The following L3MBTL4 variants were observed in gnomAD, a reference collection of about 807,000 sequenced individuals.
L3MBTL4 encodes the protein L3MBTL histone methyl-lysine binding protein 4.
In L3MBTL4, 70 loss-of-function variants were observed where a neutral mutation model predicts 84.5. The ratio of observed to expected loss-of-function variants is 0.83; its 90% CI spans 0.68 to 1.01. L3MBTL4 has a LOEUF of 1.01. Ranked by LOEUF, L3MBTL4 falls within the 50% of genes least tolerant of loss-of-function variation. The probability of loss-of-function intolerance (pLI) is 0.00; values close to 1 mark genes in which losing one functional copy is unlikely to be tolerated. For missense variants in L3MBTL4, 715 were observed against 754.8 expected (o/e 0.95, Z 0.62); for synonymous variants, 274 against 259.8 (o/e 1.05, Z -0.52).
chr18:5,976,213 C>T (rs1030941896), intron 16 of L3MBTL4, among the ~76,000 whole-genome samples: 3 of 152,180 alleles, frequency 2.0e-5, no homozygotes, highest in East Asian at 1.9e-4. Context: ...GTAGAAAAAG[C>T]AGAATGTAAA....
intron 1 of L3MBTL4, chr18:6,396,728 T>C (rs2055288661): frequency 6.6e-6 from 1 of 152,246 alleles, no homozygotes; most frequent in African/African-American, 2.4e-5. Context: ...AATATTGCCA[T>C]CCATAAAAGT....
chr18:6,209,162 T>C (rs1279361472), intron 12 of L3MBTL4, among the ~76,000 whole-genome samples: 1 of 152,116 alleles, frequency 6.6e-6, no homozygotes, highest in African/African-American at 2.4e-5. Context: ...AAGTTCTCCA[T>C]CCCAACTGCA....
At chr18:6,080,839 C>T (rs2058051351) in intron 16 of L3MBTL4, 42 bp downstream of exon 16, 2 of 1,404,424 alleles carry the variant, frequency 1.4e-6, no homozygotes, top group East Asian at 2.3e-5. Context: ...TTCTGCACAA[C>T]AAAAAGTATA....
At chr18:6,265,443 A>G (rs1037013361) in intron 4 of L3MBTL4, among the ~76,000 whole-genome samples, 11 of 152,368 alleles carry the variant, frequency 7.2e-5, no homozygotes, top group Admixed American at 7.2e-4. Context: ...GATGGTAAAA[A>G]TGTACATCAC....
At chr18:6,296,887 G>GA (rs2050129643) in intron 4 of L3MBTL4, among the ~76,000 whole-genome samples, 3 of 152,152 alleles carry the variant, frequency 2.0e-5, no homozygotes, top group Non-Finnish European at 4.4e-5. Flanking sequence ...TAAATGGGAG[G>GA]GAGGAGTAAG....
intron 16 of L3MBTL4, among the ~76,000 whole-genome samples, chr18:6,011,872 T>G (rs1274270932): frequency 6.6e-6 from 1 of 152,204 alleles, no homozygotes; most frequent in Admixed American, 6.5e-5. Context: ...TGAAGTTGAA[T>G]TGTTAAAGGG....
At position 6,237,947 on chromosome 18, in the gene L3MBTL4, C is replaced by T. The variant is rs1179729514; in HGVS notation, c.784+17G>A. ...ACACAGAGATGACTTCAAAGAAAAC[C>T]CAGGCAGTCCACTCACCTTGGGGTG... is the stretch of plus-strand genomic sequence containing the variant. On this transcript the variant is annotated intron_variant, in intron 10 of 18. Transcript: ENST00000317931. 1 of 1,609,876 alleles carries T rather than the reference C, an allele frequency of 6.2e-7. No homozygotes were observed. Among genetic ancestry groups the T allele is most frequent in the African/African-American group, 1.3e-5 (1 of 74,904 alleles).
chr18:6,351,259 G>A (rs1301314676), intron 1 of L3MBTL4, among the ~76,000 whole-genome samples: 2 of 152,078 alleles, frequency 1.3e-5, no homozygotes. Flanking sequence ...AAATAAGCCA[G>A]ATACTAAAGA....
chr18:6,386,826 C>A (rs1416001644), intron 1 of L3MBTL4, among the ~76,000 whole-genome samples: 3 of 152,084 alleles, frequency 2.0e-5, no homozygotes, highest in Non-Finnish European at 4.4e-5. Flanking sequence ...CCCTGCAGAT[C>A]CTGGAACAGA....
intron 4 of L3MBTL4, among the ~76,000 whole-genome samples, chr18:6,274,162 C>G (rs1005908065): frequency 6.6e-6 from 1 of 152,190 alleles, no homozygotes; most frequent in Non-Finnish European, 1.5e-5. Flanking sequence ...GATTAAGGTT[C>G]TCAAAGTGTG....
chr18:6,256,305 T>G (rs1216974591), intron 5 of L3MBTL4, among the ~76,000 whole-genome samples: 1 of 152,042 alleles, frequency 6.6e-6, no homozygotes, highest in Non-Finnish European at 1.5e-5. Flanking sequence ...GTGAAGAACT[T>G]AAATTTGGGG....
intron 16 of L3MBTL4, among the ~76,000 whole-genome samples, chr18:6,036,661 C>T (rs1373400366): frequency 2.6e-5 from 4 of 152,124 alleles, no homozygotes; most frequent in African/African-American, 7.2e-5. Flanking sequence ...GCCAAACTTT[C>T]CTGTTTCTTG....
At chr18:6,012,595 T>C (rs780278782) in intron 16 of L3MBTL4, among the ~76,000 whole-genome samples, 4 of 151,484 alleles carry the variant, frequency 2.6e-5, no homozygotes, top group Non-Finnish European at 5.9e-5. Context: ...GAGGACAAGG[T>C]TGGAGGACTA....
chr18:6,155,989 A>C (rs965080525), intron 13 of L3MBTL4, among the ~76,000 whole-genome samples: 1 of 152,212 alleles, frequency 6.6e-6, no homozygotes, highest in Non-Finnish European at 1.5e-5. Context: ...AAAGACAAAA[A>C]AAATGAAAGA....
chr18:6,240,303 A>G (rs1017352535), intron 8 of L3MBTL4, among the ~76,000 whole-genome samples: 15 of 151,984 alleles, frequency 9.9e-5, no homozygotes, highest in African/African-American at 3.6e-4. Context: ...GCACCAAAGT[A>G]TCCTGTTAAT....
chr18:6,366,422 C>T (rs2053936905), intron 1 of L3MBTL4, among the ~76,000 whole-genome samples: 1 of 152,162 alleles, frequency 6.6e-6, no homozygotes, highest in Non-Finnish European at 1.5e-5. Flanking sequence ...ATTTTAAGGC[C>T]ATCTTCCAAC....
chr18:5,974,971 GTT>G (rs750189384), intron 16 of L3MBTL4, among the ~76,000 whole-genome samples: 21 of 142,312 alleles, frequency 1.5e-4, no homozygotes, highest in South Asian at 7.0e-4. Flanking sequence ...CTATTGTTTT[GTT>G]TTTTTTTTTT....
chr18:6,046,420 A>G (rs1195607918), intron 16 of L3MBTL4, among the ~76,000 whole-genome samples: 1 of 152,242 alleles, frequency 6.6e-6, no homozygotes, highest in Admixed American at 6.5e-5. Flanking sequence ...ATAGGCATCT[A>G]CAGAATACTC....
intron 16 of L3MBTL4, among the ~76,000 whole-genome samples, chr18:6,044,505 C>T (rs1331781721): frequency 2.0e-5 from 3 of 152,160 alleles, no homozygotes; most frequent in African/African-American, 4.8e-5. Context: ...GGACACTAGC[C>T]AACATGCTGG....
Sources: allele counts gnomAD v4.1 joint callset (sites outside exome capture counted in the v4.1 genomes callset), GRCh38; gene constraint gnomAD v4.1.1; transcripts MANE v1.5; gene names NCBI Gene and HGNC (gene_info 2026-07-23, HGNC 2026-07-21).